Variants in REDIC1 observed in about 807,000 individuals in gnomAD.
The protein encoded by REDIC1 is HEI10 Interacting Protein 1.
chr12:39,678,101 C>T, the REDIC1 span, among the ~76,000 whole-genome samples: 1 of 148,300 alleles, frequency 6.7e-6, no homozygotes, highest in Non-Finnish European at 1.5e-5. Flanking sequence ...CAGAGCAGAA[C>T]TAAATGAAAT....
the REDIC1 span, among the ~76,000 whole-genome samples, chr12:39,888,444 C>T: frequency 2.0e-5 from 3 of 152,156 alleles, no homozygotes; most frequent in Non-Finnish European, 1.5e-5. Flanking sequence ...AGGCTGAACT[C>T]GAACTGCTGA....
the REDIC1 span, among the ~76,000 whole-genome samples, chr12:39,775,714 T>C: frequency 1.3e-5 from 2 of 152,296 alleles, no homozygotes; most frequent in East Asian, 1.9e-4. Context: ...ATAAGTTATA[T>C]GGATAAGAGT....
chr12:39,879,422 C>G, the REDIC1 span, among the ~76,000 whole-genome samples: 10 of 152,240 alleles, frequency 6.6e-5, no homozygotes, highest in South Asian at 2.1e-4. Flanking sequence ...GCCCTGGGGA[C>G]TGAACCCTGC....
At chr12:39,645,278 C>T in the REDIC1 span, among the ~76,000 whole-genome samples, 1 of 151,948 alleles carries the variant, frequency 6.6e-6, no homozygotes, top group African/African-American at 2.4e-5. Context: ...TTATTGGGTA[C>T]CCACTGTAAG....
At chr12:39,861,074 TG>T in the REDIC1 span, among the ~76,000 whole-genome samples, 5 of 152,220 alleles carry the variant, frequency 3.3e-5, no homozygotes, top group African/African-American at 1.2e-4. Flanking sequence ...TCCTTGCACT[TG>T]CCACGTTCCT....
At chr12:39,769,380 G>A in the REDIC1 span, among the ~76,000 whole-genome samples, 1 of 152,098 alleles carries the variant, frequency 6.6e-6, no homozygotes, top group South Asian at 2.1e-4. Context: ...TGCTTTGTAG[G>A]ACTTGATACA....
At chr12:39,647,436 T>C in the REDIC1 span, among the ~76,000 whole-genome samples, 2 of 152,048 alleles carry the variant, frequency 1.3e-5, no homozygotes, top group African/African-American at 4.8e-5. Context: ...TTAAGCTAGA[T>C]CAGAAAGATA....
the REDIC1 span, among the ~76,000 whole-genome samples, chr12:39,866,008 A>G: frequency 3.3e-5 from 5 of 152,258 alleles, no homozygotes; most frequent in Admixed American, 2.6e-4. Context: ...GAGCCTGCAC[A>G]TGTACCCCTG....
At chr12:39,791,123 CT>C in the REDIC1 span, among the ~76,000 whole-genome samples, 1 of 151,426 alleles carries the variant, frequency 6.6e-6, no homozygotes, top group South Asian at 2.1e-4. Context: ...GATATTAGCC[CT>C]TTGTCAGATG....
the REDIC1 span, among the ~76,000 whole-genome samples, chr12:39,719,690 A>T: frequency 6.6e-6 from 1 of 152,166 alleles, no homozygotes; most frequent in South Asian, 2.1e-4. Context: ...AAACAGTTCA[A>T]TTCTCTGAAA....
At chr12:39,807,223 A>G in the REDIC1 span, among the ~76,000 whole-genome samples, 1 of 152,178 alleles carries the variant, frequency 6.6e-6, no homozygotes, top group Non-Finnish European at 1.5e-5. Flanking sequence ...TGGGGAGTGG[A>G]GTGTGCTTAC....
the REDIC1 span, among the ~76,000 whole-genome samples, chr12:39,896,008 A>G: frequency 6.8e-6 from 1 of 147,534 alleles, no homozygotes; most frequent in African/African-American, 2.5e-5. Context: ...GTATATATAC[A>G]TGTGTATATG....
At chr12:39,730,150 C>T in the REDIC1 span, among the ~76,000 whole-genome samples, 9 of 151,976 alleles carry the variant, frequency 5.9e-5, no homozygotes, top group Non-Finnish European at 1.3e-4. Flanking sequence ...GGCATTTAGC[C>T]CATTTACATT....
the REDIC1 span, among the ~76,000 whole-genome samples, chr12:39,815,807 G>A: frequency 2.6e-5 from 4 of 152,174 alleles, no homozygotes; most frequent in East Asian, 7.7e-4. Flanking sequence ...TGTTGTTTTA[G>A]TTGTTAAGTT....
chr12:39,695,582 T>C, the REDIC1 span, among the ~76,000 whole-genome samples: 1 of 150,602 alleles, frequency 6.6e-6, no homozygotes, highest in African/African-American at 2.4e-5. Context: ...CCCAGTAAAA[T>C]AGAATACCAG....
the REDIC1 span, among the ~76,000 whole-genome samples, chr12:39,695,209 G>GC: frequency 6.6e-6 from 1 of 152,122 alleles, no homozygotes; most frequent in Non-Finnish European, 1.5e-5. Context: ...CTTTTCACTT[G>GC]AAAAAAGCAG....
At chr12:39,641,928 T>C in the REDIC1 span, among the ~76,000 whole-genome samples, 1 of 151,822 alleles carries the variant, frequency 6.6e-6, no homozygotes. Context: ...TGCTGTTCAA[T>C]TGAAAGGATA....
the REDIC1 span, among the ~76,000 whole-genome samples, chr12:39,727,945 C>G: frequency 6.6e-6 from 1 of 152,100 alleles, no homozygotes; most frequent in African/African-American, 2.4e-5. Context: ...CATGATTTGA[C>G]TCTCTGTTTG....
chr12:39,761,679 T>C, the REDIC1 span, among the ~76,000 whole-genome samples: 3 of 152,006 alleles, frequency 2.0e-5, no homozygotes, highest in Non-Finnish European at 2.9e-5. Context: ...AGTACAGATA[T>C]GCAAGACTGT....
Sources: gnomAD v4.1 joint callset for allele counts (sites outside exome capture counted in the v4.1 genomes callset) on GRCh38, gnomAD v4.1.1 for gene constraint, MANE v1.5 for transcripts, NCBI Gene and HGNC (gene_info 2026-07-23, HGNC 2026-07-21) for gene names.